The following NUDT22 variants were observed in gnomAD, a reference collection of about 807,000 sequenced individuals.
NUDT22 encodes the protein nudix hydrolase 22.
In NUDT22, 23 loss-of-function variants were observed where a neutral mutation model predicts 28.8. The ratio of observed to expected loss-of-function variants is 0.80; its 90% CI spans 0.58 to 1.13. NUDT22 has a LOEUF of 1.13. Ranked by LOEUF, NUDT22 falls within the 50% of genes most tolerant of loss-of-function variation. NUDT22 has a pLI of 0.00. For missense variants in NUDT22, 358 were observed against 387.3 expected, an observed-to-expected ratio of 0.92 and a Z score of 0.64; for synonymous variants, 175 against 173.7, an observed-to-expected ratio of 1.01 and a Z score of -0.06.
rs759184225 is a variant in NUDT22, at chr11:64,229,819, T to C, written c.772-31T>C. ...GCCCTGGCAGGAGAAGTGGCAAGCT[T>C]GAATGCCTGGGTCTCGTTGTCTCCC... On this transcript the variant is annotated intron_variant, in intron 5 of 5. Transcript: ENST00000279206. 1.8e-5 allele frequency: 29 copies of C among 1,612,372 alleles called. No homozygotes were observed. The East Asian group carries it at 6.2e-4, about 35-fold the overall frequency.
In NUDT22 at chr11:64,226,884, C is replaced by G; in HGVS notation, c.232C>G (p.Leu78Val). The change falls in exon 2 of 6, where the codon CTG (leucine) becomes GTG (valine). Residue 78 changes from leucine to valine, a missense_variant. Leu to Val is a conservative substitution (Grantham distance 32, BLOSUM62 1). Coordinates refer to ENST00000279206, the MANE Select transcript of NUDT22 (RefSeq NM_032344.4). ...GCCTATTGGCTCTCGGGGGCCACAG[C>G]TGCTCCTGCGCCTGGGCCTTACTTC... Reference protein sequence around the residue: ...LAPIGSRGPQLLLRLGLTSYR... With the variant: ...LAPIGSRGPQVLLRLGLTSYR... 1 of 1,604,594 alleles carries G rather than the reference C, an allele frequency of 6.2e-7. No individual in the cohort carries two copies. The highest frequency in any genetic ancestry group is 8.5e-7 in the Non-Finnish European group (1 of 1,179,932).
rs1337596276 is a variant in NUDT22, at chr11:64,229,460, C to G, written c.678-18C>G. 5 of 1,613,664 alleles carry G rather than the reference C, an allele frequency of 3.1e-6. No individual in the cohort carries two copies. On this transcript the variant is annotated intron_variant, in intron 4 of 5. Transcript: ENST00000279206. ...AGGGGCTGGTCACCCACTAAGCCAC[C>G]CTTGTGTTCTTGTCCAGGTGCAGCC...
At position 64,229,528 on chromosome 11, in the gene NUDT22, C is replaced by T; in HGVS notation, c.728C>T (p.Pro243Leu). The stretch of plus-strand genomic sequence containing the variant: ...AGGAAGCACTACCTGAGTGGGGGAC[C>T]CGAGGCCCACGAGTCTACAGGAATC... ...QVRKHYLSGG[P>L]EAHESTGIFF... The change falls in exon 5 of 6, where the codon CCC (proline) becomes CTC (leucine). Residue 243 changes from proline (P) to leucine (L), a missense_variant. Coordinates refer to ENST00000279206, the MANE Select transcript of NUDT22 (RefSeq NM_032344.4). 1.2e-6 allele frequency: 2 copies of T among 1,614,178 alleles called. No homozygotes were observed. The highest frequency in any genetic ancestry group is 1.7e-6 in the Non-Finnish European group (2 of 1,180,016).
chr11:64,229,948 T>C lies in NUDT22; in HGVS notation c.870T>C (p.Thr290=), dbSNP rs761619720. The C allele has an allele frequency of 6.2e-7, 1 of 1,612,676 alleles. No homozygotes were observed. The highest frequency in any genetic ancestry group is 2.2e-5 in the East Asian group (1 of 44,842). ...ACAACCGGGTTCAGGGAAGTCCCAC[T>C]GGAGCGGCCCTAGGGTCCCCAGCCC... is the stretch of plus-strand genomic sequence containing the variant. ...ILYNRVQGSP[T]GAALGSPALL... Residue 290 remains threonine (T), a synonymous_variant, in exon 6 of 6, where the codon ACT becomes ACC. Transcript: ENST00000279206.
Position 64,227,675 on chromosome 11 carries a change from G to C in NUDT22, c.579+9G>C. 1 of 1,606,370 alleles carries C rather than the reference G, an allele frequency of 6.2e-7. No individual in the cohort carries two copies. Among genetic ancestry groups the C allele is most frequent in the Non-Finnish European group, 8.5e-7 (1 of 1,172,998 alleles). Reference sequence around the variant, plus strand: ...AGGAGATCTGTGATGAGGTGAGTGAGGTTGACCTGGACAGGGTGGTAGACA... The same window carrying C: ...AGGAGATCTGTGATGAGGTGAGTGACGTTGACCTGGACAGGGTGGTAGACA... On this transcript the variant is annotated intron_variant, in intron 3 of 5. Transcript: ENST00000279206.
At chr11:64,229,140 A>G (rs1947125178) in intron 3 of NUDT22, 107 bp from the exon 4 acceptor site, 3 of 681,984 alleles carry the variant, frequency 4.4e-6, no homozygotes, top group Admixed American at 5.8e-5. Context: ...TCTACAAGCT[A>G]TAAAATGCTG....
At chr11:64,228,261 C>G (rs968416670) in intron 3 of NUDT22, among the ~76,000 whole-genome samples, 6 of 151,694 alleles carry the variant, frequency 4.0e-5, no homozygotes, top group African/African-American at 1.2e-4. Flanking sequence ...CGGCTCACTG[C>G]AACCTTCGCC....
Position 64,227,603 on chromosome 11 carries a change from C to T in NUDT22, c.516C>T (p.Asp172=). ...CTGGTGGCAGCCCCCAGCACCAGGA[C>T]CTCGCTGGGCAGCTGGTGGTACATG... The part of the protein sequence containing the change: ...LCPGGSPQHQ[D]LAGQLVVHEL... Residue 172 remains aspartate (D), a synonymous_variant, in exon 3 of 6, where the codon GAC becomes GAT. Coordinates refer to ENST00000279206, the MANE Select transcript of NUDT22 (RefSeq NM_032344.4). 2.5e-6 allele frequency: 4 copies of T among 1,613,998 alleles called. No individual in the cohort carries two copies. The highest frequency in any genetic ancestry group is 3.4e-6 in the Non-Finnish European group (4 of 1,180,002).
At chr11:64,227,204 C>T (rs760522457) in intron 2 of NUDT22, 72 bp downstream of exon 2, 13 of 1,516,410 alleles carry the variant, frequency 8.6e-6, no homozygotes, top group Non-Finnish European at 8.9e-6. Flanking sequence ...TCCCAATCCT[C>T]CCAGCTTTGG....
chr11:64,226,356 C>T lies in NUDT22; in HGVS notation c.-90C>T. 1.6e-6 allele frequency: 2 copies of T among 1,236,788 alleles called. No homozygotes were observed. The highest frequency in any genetic ancestry group is 3.9e-5 in the Admixed American group (1 of 25,386). 76.6% of individuals were successfully genotyped at this position (1,236,788 alleles called of 1,614,324 possible). A position where few individuals can be genotyped will look rare whatever the true frequency, so the allele number is the denominator to read the frequency against. On this transcript the variant is annotated 5_prime_UTR_variant, in exon 1 of 6. Transcript: ENST00000279206. ...CCTGGAAAGGGGTCCCCGCGCGCCC[C>T]GGGTCGGAGGCAGACCCCTGGGTTT...
intron 3 of NUDT22, 152 bp from the exon 4 acceptor site, chr11:64,229,095 C>G: frequency 1.7e-6 from 1 of 581,506 alleles, no homozygotes; most frequent in Non-Finnish European, 3.0e-6. Context: ...ACAAACATGC[C>G]CATCATCTGA....
At position 64,226,825 on chromosome 11, in the gene NUDT22, C is replaced by T; in HGVS notation, c.173C>T (p.Ala58Val). 1 of 1,609,480 alleles carries T rather than the reference C, an allele frequency of 6.2e-7. No homozygotes were observed. The highest frequency in any genetic ancestry group is 8.5e-7 in the Non-Finnish European group (1 of 1,179,928). Residue 58 changes from alanine (A) to valine (V), a missense_variant, in exon 2 of 6, where the codon GCC becomes GTC. Ala to Val is a moderately conservative substitution (Grantham distance 64). Coordinates refer to ENST00000279206, the MANE Select transcript of NUDT22 (RefSeq NM_032344.4). ...RLKAQPWLFD[A>V]PKFRLHSATL... ...AAGGCCCAACCCTGGCTCTTCGACGCCCCCAAGTTCCGCCTGCACTCAGCC... is the reference window on the plus strand; with the variant it reads ...AAGGCCCAACCCTGGCTCTTCGACGTCCCCAAGTTCCGCCTGCACTCAGCC...
intron 1 of NUDT22, 55 bp downstream of exon 1, chr11:64,226,482 A>C: frequency 7.0e-7 from 1 of 1,419,130 alleles, no homozygotes; most frequent in East Asian, 2.6e-5. Flanking sequence ...TCCTGCGGGG[A>C]AGATGGCACG....
intron 3 of NUDT22, 190 bp downstream of exon 3, chr11:64,227,856 C>A: frequency 1.7e-6 from 1 of 584,970 alleles, no homozygotes; most frequent in Non-Finnish European, 3.0e-6. Context: ...TTGGATTCTT[C>A]TTCTTTTCTT....
Position 64,227,619 on chromosome 11 carries a change from G to A in NUDT22, c.532G>A (p.Val178Met). The A allele has an allele frequency of 1.2e-6, 2 of 1,614,104 alleles. No individual in the cohort carries two copies. Among genetic ancestry groups the A allele is most frequent in the Non-Finnish European group, 1.7e-6 (2 of 1,180,012 alleles). Residue 178 changes from valine (V) to methionine (M), a missense_variant, in exon 3 of 6, where the codon GTG (valine) becomes ATG (methionine). Val to Met is a conservative substitution (Grantham distance 21, BLOSUM62 1). Coordinates refer to ENST00000279206, the MANE Select transcript of NUDT22 (RefSeq NM_032344.4). ...GCACCAGGACCTCGCTGGGCAGCTGGTGGTACATGAACTCTTTTCCAGTGT... is the reference window on the plus strand; with the variant it reads ...GCACCAGGACCTCGCTGGGCAGCTGATGGTACATGAACTCTTTTCCAGTGT... ...PQHQDLAGQL[V>M]VHELFSSVLQ...
In NUDT22 at chr11:64,229,892, T is replaced by C; in HGVS notation, c.814T>C (p.Cys272Arg). ...LLETEMWAEL[C>R]PSAKGAIILY... ...CGAGACGGAGATGTGGGCTGAACTC[T>C]GCCCCTCGGCCAAAGGCGCCATCAT... The change falls in exon 6 of 6, where the codon TGC becomes CGC. Residue 272 changes from cysteine to arginine, a missense_variant. Coordinates refer to ENST00000279206, the MANE Select transcript of NUDT22 (RefSeq NM_032344.4). 1 of 1,613,274 alleles carries C rather than the reference T, an allele frequency of 6.2e-7. No individual in the cohort carries two copies. Among genetic ancestry groups the C allele is most frequent in the Non-Finnish European group, 8.5e-7 (1 of 1,179,930 alleles).
rs1019247472 is a variant in NUDT22, at chr11:64,226,393, G to A, written c.-53G>A. The A allele has an allele frequency of 2.3e-6, 3 of 1,309,486 alleles. No individual in the cohort carries two copies. The highest frequency in any genetic ancestry group is 2.9e-6 in the Non-Finnish European group (3 of 1,032,402). 81.1% of individuals were successfully genotyped at this position (1,309,486 alleles called of 1,614,324 possible). A position where few individuals can be genotyped will look rare whatever the true frequency, so the allele number is the denominator to read the frequency against. On this transcript the variant is annotated 5_prime_UTR_variant, in exon 1 of 6. Transcript: ENST00000279206. ...AGACCCCTGGGTTTGGGGGACATGG[G>A]CATTTGGGGCGCCTGAACCCAAGAC... is the stretch of plus-strand genomic sequence containing the variant.
Position 64,226,718 on chromosome 11 carries a change from GGCCGA to G in NUDT22, c.69_73del (p.Leu25ProfsTer4). 4 of 1,610,556 alleles carry G rather than the reference GGCCGA, an allele frequency of 2.5e-6. No individual in the cohort carries two copies. Among genetic ancestry groups the G allele is most frequent in the Non-Finnish European group, 3.4e-6 (4 of 1,179,838 alleles). Reference sequence around the variant, plus strand: ...GGGGCCTGCCCCAGGAGCAGATACAGGCCGAGCTGAGCCCCGCCCATGACCGTCGC... The same window carrying G: ...GGGGCCTGCCCCAGGAGCAGATACAGGCTGAGCCCCGCCCATGACCGTCGC... On this transcript the variant is annotated frameshift_variant, in exon 2 of 6. Coordinates refer to ENST00000279206, the MANE Select transcript of NUDT22 (RefSeq NM_032344.4). LOFTEE classifies it high-confidence loss of function.
chr11:64,230,193 G>A, downstream of NUDT22: 1 of 718,488 alleles, frequency 1.4e-6, no homozygotes, highest in Non-Finnish European at 2.5e-6. Flanking sequence ...AGAGGCTCCG[G>A]GGCGGAAGCA....
Sources: gnomAD v4.1 joint callset for allele counts (sites outside exome capture counted in the v4.1 genomes callset) on GRCh38, gnomAD v4.1.1 for gene constraint, MANE v1.5 for transcripts, NCBI Gene and HGNC (gene_info 2026-07-23, HGNC 2026-07-21) for gene names.